SPIDR: variants seen among roughly 807,000 people sequenced by gnomAD.
SPIDR encodes DNA repair-scaffolding protein.
SPIDR carries 93 observed loss-of-function variants against 104.6 expected under a neutral mutation model. The observed-to-expected ratio is 0.89, with a 90% confidence interval of 0.75 to 1.06. SPIDR has a LOEUF of 1.06. SPIDR is among the 50% of genes least tolerant of loss of function. SPIDR has a pLI of 0.00. For missense variants in SPIDR, 1,154 were observed against 1,111.2 expected (o/e 1.04, Z -0.55); for synonymous variants, 431 against 416.9 (o/e 1.03, Z -0.41).
rs1563416092 is a variant in SPIDR, at chr8:47,647,651, A to AGAGAGG, written c.1545-26147_1545-26146insAGGGAG. Among the ~76,000 whole-genome samples the AGAGAGG allele has an allele frequency of 2.1e-4, 26 of 122,062 alleles. No individual in the cohort carries two copies. In the East Asian group the frequency reaches 4.1e-3, roughly 19 times the overall value. 80.1% of individuals were successfully genotyped at this position (122,062 alleles called of 152,430 possible). On this transcript the variant is annotated intron_variant, in intron 10 of 19. Transcript: ENST00000297423. ...GAGAGAGAGAGAGAGAGAGAGAGAG[A>AGAGAGG]GAGGGAGAGAGAGAGAGGGAGAGAG...
At chr8:47,697,575 C>T (rs1039845577) in intron 11 of SPIDR, among the ~76,000 whole-genome samples, 3 of 152,210 alleles carry the variant, frequency 2.0e-5, no homozygotes, top group African/African-American at 2.4e-5. Context: ...TCCCTCCTCC[C>T]GCCTCCAGGA....
At position 47,440,497 on chromosome 8, in the gene SPIDR, A is replaced by C. The variant is rs535616244; in HGVS notation, c.1052A>C (p.Tyr351Ser). ...KVLFTKETAG[Y>S]LRGRPQDTVR... Reference sequence around the variant, plus strand: ...CTCTTCACCAAGGAGACTGCAGGCTACCTCAGGGGCCGTCCCCAGGACACT... The same window carrying C: ...CTCTTCACCAAGGAGACTGCAGGCTCCCTCAGGGGCCGTCCCCAGGACACT... The change falls in exon 8 of 20, where the codon TAC (tyrosine) becomes TCC (serine). Residue 351 changes from tyrosine (Y) to serine (S), a missense_variant. Coordinates refer to ENST00000297423, the MANE Select transcript of SPIDR (RefSeq NM_001080394.4). The C allele has an allele frequency of 6.2e-7, 1 of 1,614,206 alleles. No individual in the cohort carries two copies. Among genetic ancestry groups the C allele is most frequent in the African/African-American group, 1.3e-5 (1 of 75,052 alleles).
intron 4 of SPIDR, among the ~76,000 whole-genome samples, chr8:47,291,742 C>T (rs929285524): frequency 3.3e-5 from 5 of 152,306 alleles, no homozygotes; most frequent in African/African-American, 9.6e-5. Flanking sequence ...GTTCTTTCAA[C>T]GTCTACACAG....
chr8:47,279,917 A>T lies in SPIDR; in HGVS notation c.89A>T (p.Gln30Leu), dbSNP rs2037382325. The change falls in exon 2 of 20, where the codon CAG becomes CTG. Residue 30 changes from glutamine (Q) to leucine (L), a missense_variant. Transcript: ENST00000297423. The part of the protein sequence containing the change: ...CPSFPGERPL[Q>L]VRRAGLRTAG... ...TCCTTTCCAGGAGAAAGACCACTGC[A>T]GGTCAGAAGAGCAGGTCTCAGGACA... 1.2e-6 allele frequency: 2 copies of T among 1,614,004 alleles called. No homozygotes were observed. Among genetic ancestry groups the T allele is most frequent in the East Asian group, 4.5e-5 (2 of 44,882 alleles).
chr8:47,382,813 T>G (rs1209002730), intron 5 of SPIDR, among the ~76,000 whole-genome samples: 1 of 152,330 alleles, frequency 6.6e-6, no homozygotes, highest in South Asian at 2.1e-4. Flanking sequence ...TCAGCTCCTA[T>G]AAGTATATGC....
chr8:47,485,576 G>T (rs554538077), intron 8 of SPIDR, among the ~76,000 whole-genome samples: 1 of 152,194 alleles, frequency 6.6e-6, no homozygotes, highest in South Asian at 2.1e-4. Context: ...CTTGACCCCC[G>T]AGTAGCCTAA....
At chr8:47,322,629 A>C (rs1419243744) in intron 5 of SPIDR, among the ~76,000 whole-genome samples, 1 of 152,242 alleles carries the variant, frequency 6.6e-6, no homozygotes, top group Non-Finnish European at 1.5e-5. Context: ...CTATAAAGAC[A>C]CATGCACACG....
chr8:47,558,515 G>A (rs532259442), intron 8 of SPIDR, among the ~76,000 whole-genome samples: 1 of 152,236 alleles, frequency 6.6e-6, no homozygotes, highest in East Asian at 1.9e-4. Flanking sequence ...CCCCAAAGAG[G>A]ATAGGTTCTG....
At chr8:47,721,638 A>T (rs1046881890) in intron 16 of SPIDR, among the ~76,000 whole-genome samples, 1 of 148,824 alleles carries the variant, frequency 6.7e-6, no homozygotes, top group African/African-American at 2.5e-5. Context: ...TGCCCGGCTA[A>T]TTTTTTTTTT....
At chr8:47,307,522 T>TTTCTC (rs1197858849) in intron 5 of SPIDR, among the ~76,000 whole-genome samples, 2 of 150,270 alleles carry the variant, frequency 1.3e-5, no homozygotes, top group Non-Finnish European at 3.0e-5. Flanking sequence ...CCCAGCCTCT[T>TTTCTC]TTCTCATTTC....
At chr8:47,672,661 T>C (rs1404426586) in intron 10 of SPIDR, among the ~76,000 whole-genome samples, 1 of 152,252 alleles carries the variant, frequency 6.6e-6, no homozygotes, top group Non-Finnish European at 1.5e-5. Flanking sequence ...GGGGACCTTT[T>C]ACCTCTTTAA....
Position 47,592,569 on chromosome 8 carries a change from C to G in SPIDR, c.1098-3242C>G, listed in dbSNP as rs878903874. 74 of 1,288,742 alleles carry G rather than the reference C, an allele frequency of 5.7e-5. 2 individuals carry two copies. Among genetic ancestry groups the G allele is most frequent in the Non-Finnish European group, 7.6e-5 (68 of 899,356 alleles). The allele number at this position is 1,288,742 out of a possible 1,614,324, so 79.8% of individuals were successfully genotyped here. A position where few individuals can be genotyped will look rare whatever the true frequency, so the allele number is the denominator to read the frequency against. The stretch of plus-strand genomic sequence containing the variant: ...CCAGGAACTGGTTCTGCCAGCAAAC[C>G]CTGGGTTTCCTTGATGATCCTGCGG... On this transcript the variant is annotated intron_variant, in intron 8 of 19. Coordinates refer to ENST00000297423, the MANE Select transcript of SPIDR (RefSeq NM_001080394.4).
intron 7 of SPIDR, among the ~76,000 whole-genome samples, chr8:47,418,222 C>T (rs1554676881): frequency 7.2e-5 from 11 of 152,116 alleles, no homozygotes; most frequent in Non-Finnish European, 1.6e-4. Context: ...ACAGTATGCC[C>T]ATTTTCCCAA....
At chr8:47,522,198 AAAAG>A (rs1342091498) in intron 8 of SPIDR, among the ~76,000 whole-genome samples, 4 of 151,890 alleles carry the variant, frequency 2.6e-5, no homozygotes, top group Admixed American at 2.6e-4. Context: ...AGAAAAGAAA[AAAAG>A]AAACATGAAT....
intron 16 of SPIDR, among the ~76,000 whole-genome samples, chr8:47,719,721 C>T (rs897985981): frequency 1.3e-5 from 2 of 152,002 alleles, no homozygotes; most frequent in African/African-American, 2.4e-5. Context: ...TCTCAATGCT[C>T]CTCACACCCA....
chr8:47,342,917 C>T (rs182609158), intron 5 of SPIDR, among the ~76,000 whole-genome samples: 5 of 152,206 alleles, frequency 3.3e-5, no homozygotes, highest in South Asian at 2.1e-4. Context: ...ATCTCCCAGT[C>T]GCATCTAGGG....
chr8:47,404,354 T>C (rs1554665914), intron 6 of SPIDR, among the ~76,000 whole-genome samples: 1 of 152,140 alleles, frequency 6.6e-6, no homozygotes, highest in African/African-American at 2.4e-5. Context: ...ACAAGTGGGA[T>C]CTAATTAAAC....
intron 5 of SPIDR, among the ~76,000 whole-genome samples, chr8:47,317,244 A>G (rs2045548467): frequency 6.6e-6 from 1 of 151,896 alleles, no homozygotes; most frequent in African/African-American, 2.4e-5. Flanking sequence ...AAATTGGGTC[A>G]CTCCCACCCT....
chr8:47,701,395 G>C (rs1485057700), intron 12 of SPIDR, among the ~76,000 whole-genome samples: 1 of 152,192 alleles, frequency 6.6e-6, no homozygotes, highest in Admixed American at 6.5e-5. Flanking sequence ...TCGTGCCATT[G>C]CACTCCAGCC....
Sources: allele counts gnomAD v4.1 joint callset (sites outside exome capture counted in the v4.1 genomes callset), GRCh38; gene constraint gnomAD v4.1.1; transcripts MANE v1.5; gene names NCBI Gene and HGNC (gene_info 2026-07-23, HGNC 2026-07-21).